Variants in IGBP1C observed in about 807,000 individuals in gnomAD.
The protein encoded by IGBP1C is IGBP1 family member C.
chr17:58,686,849 A>G, the IGBP1C span, among the ~76,000 whole-genome samples: 3 of 146,042 alleles, frequency 2.1e-5, no homozygotes, highest in Non-Finnish European at 4.5e-5. Context: ...CCACTTGAAC[A>G]TGAAAGGTCA....
At chr17:58,674,808 A>G in the IGBP1C span, among the ~76,000 whole-genome samples, 4 of 152,052 alleles carry the variant, frequency 2.6e-5, no homozygotes, top group South Asian at 8.3e-4. Flanking sequence ...GGTTAAAAAA[A>G]AAAAAAGATT....
At chr17:58,691,158 CTTTT>C in the IGBP1C span, among the ~76,000 whole-genome samples, 1 of 152,012 alleles carries the variant, frequency 6.6e-6, no homozygotes, top group Non-Finnish European at 1.5e-5. Flanking sequence ...GCCCGGCCAG[CTTTT>C]TTTCTTTTAT....
At chr17:58,691,666 C>CA in the IGBP1C span, among the ~76,000 whole-genome samples, 2,146 of 107,082 alleles carry the variant, frequency 0.02, 110 homozygotes, top group African/African-American at 0.055. Context: ...GACTCTGTCT[C>CA]AAAAAAAAAA....
the IGBP1C span, among the ~76,000 whole-genome samples, chr17:58,665,635 T>A: frequency 6.6e-6 from 1 of 151,728 alleles, no homozygotes; most frequent in African/African-American, 2.4e-5. Flanking sequence ...ACTCATTGCG[T>A]TTACCTCACT....
the IGBP1C span, chr17:58,661,032 G>C: frequency 2.8e-5 from 32 of 1,134,838 alleles, no homozygotes; most frequent in East Asian, 5.1e-4. Context: ...TCACGAACAC[G>C]CTCATTATCT....
At chr17:58,662,030 T>C in the IGBP1C span, among the ~76,000 whole-genome samples, 2 of 151,954 alleles carry the variant, frequency 1.3e-5, no homozygotes, top group Non-Finnish European at 2.9e-5. Context: ...CACAGGGAAG[T>C]AGCATCAGGC....
chr17:58,684,353 C>T, the IGBP1C span, among the ~76,000 whole-genome samples: 2 of 151,510 alleles, frequency 1.3e-5, no homozygotes, highest in African/African-American at 4.9e-5. Context: ...TCCCAGCTAT[C>T]TGGGAGGCTG....
the IGBP1C span, chr17:58,660,639 C>A: frequency 1.3e-6 from 1 of 789,902 alleles, no homozygotes; most frequent in African/African-American, 1.7e-5. Flanking sequence ...TCATCCCACT[C>A]TCGAGCTCTT....
the IGBP1C span, chr17:58,666,458 C>CAAACAAAAA: frequency 3.0e-4 from 11 of 36,814 alleles, no homozygotes; most frequent in Middle Eastern, 0.024. Context: ...CCTTCCACGG[C>CAAACAAAAA]AAAAAAAAAA....
At chr17:58,681,501 T>C in the IGBP1C span, among the ~76,000 whole-genome samples, 5 of 152,128 alleles carry the variant, frequency 3.3e-5, no homozygotes, top group African/African-American at 1.2e-4. Context: ...CATATGTATA[T>C]GTATGCTCTA....
At chr17:58,672,745 G>GT in the IGBP1C span, among the ~76,000 whole-genome samples, 1 of 149,806 alleles carries the variant, frequency 6.7e-6, no homozygotes, top group South Asian at 2.1e-4. Context: ...TTCTTTGTTT[G>GT]TTTTGAGATG....
chr17:58,676,360 G>C, the IGBP1C span, among the ~76,000 whole-genome samples: 1 of 151,396 alleles, frequency 6.6e-6, no homozygotes, highest in Non-Finnish European at 1.5e-5. Context: ...TGGGCAACAA[G>C]AGAGAAAATC....
chr17:58,682,194 C>T, the IGBP1C span, among the ~76,000 whole-genome samples: 9 of 151,940 alleles, frequency 5.9e-5, no homozygotes, highest in South Asian at 2.1e-4. Flanking sequence ...AGCAATTGAC[C>T]CGTCTCCGCC....
chr17:58,675,802 T>C, the IGBP1C span, among the ~76,000 whole-genome samples: 1 of 152,210 alleles, frequency 6.6e-6, no homozygotes, highest in African/African-American at 2.4e-5. Context: ...CCTTTAAACA[T>C]GTTTTTAATT....
the IGBP1C span, chr17:58,660,782 TACCAGTC>T: frequency 1.3e-6 from 1 of 781,340 alleles, no homozygotes; most frequent in South Asian, 1.3e-5. Flanking sequence ...ATGTTGATCA[TACCAGTC>T]ACTCACTGTC....
chr17:58,684,079 G>A, the IGBP1C span, among the ~76,000 whole-genome samples: 47 of 151,688 alleles, frequency 3.1e-4, 1 homozygote, highest in South Asian at 9.2e-3. Flanking sequence ...AAAAGTATAC[G>A]ATAAAGGTAA....
the IGBP1C span, among the ~76,000 whole-genome samples, chr17:58,691,288 T>A: frequency 6.6e-6 from 1 of 152,202 alleles, no homozygotes; most frequent in Non-Finnish European, 1.5e-5. Flanking sequence ...CGTTGTTTCC[T>A]TTTTTAGATC....
At chr17:58,673,201 C>T in the IGBP1C span, among the ~76,000 whole-genome samples, 1 of 151,666 alleles carries the variant, frequency 6.6e-6, no homozygotes, top group African/African-American at 2.4e-5. Context: ...TATTGTAGGG[C>T]AGGGCGCGGT....
the IGBP1C span, among the ~76,000 whole-genome samples, chr17:58,663,014 C>CAGG: frequency 2.0e-5 from 3 of 150,896 alleles, no homozygotes; most frequent in African/African-American, 7.3e-5. Flanking sequence ...GAGGCTGAGG[C>CAGG]AGGAGAACGG....
Sources: allele counts gnomAD v4.1 joint callset (sites outside exome capture counted in the v4.1 genomes callset), GRCh38; gene constraint gnomAD v4.1.1; transcripts MANE v1.5; gene names NCBI Gene and HGNC (gene_info 2026-07-23, HGNC 2026-07-21).